The following CBFA2T3 variants were observed in gnomAD, a reference collection of about 807,000 sequenced individuals.
CBFA2T3 encodes the protein transcriptional corepressor CBFA2T3.
CBFA2T3 carries 31 observed loss-of-function variants against 58.6 expected under a neutral mutation model. That is an observed-to-expected ratio of 0.53 (90% CI 0.40 to 0.71). The LOEUF is 0.71. Among genes scored for constraint, CBFA2T3 ranks in the 30% least tolerant of loss-of-function variants. The probability of loss-of-function intolerance (pLI) is 0.00; values close to 1 mark genes in which losing one functional copy is unlikely to be tolerated. For missense variants in CBFA2T3, 1,076 were observed against 963.1 expected, an observed-to-expected ratio of 1.12 and a Z score of -1.55; for synonymous variants, 531 against 421.9, an observed-to-expected ratio of 1.26 and a Z score of -3.17.
intron 1 of CBFA2T3, among the ~76,000 whole-genome samples, chr16:88,905,711 G>T (rs1970293464): frequency 2.3e-5 from 3 of 131,448 alleles, no homozygotes; most frequent in African/African-American, 9.3e-5. Flanking sequence ...GGGCGGGGCT[G>T]GAGGGGCGGG....
At chr16:88,918,339 C>G (rs1970806179) in intron 1 of CBFA2T3, among the ~76,000 whole-genome samples, 1 of 152,206 alleles carries the variant, frequency 6.6e-6, no homozygotes, top group Admixed American at 6.5e-5. Flanking sequence ...ATGGCCTGGG[C>G]CCTGTCCTCT....
chr16:88,960,832 C>G (rs965667895), intron 1 of CBFA2T3, among the ~76,000 whole-genome samples: 2 of 152,206 alleles, frequency 1.3e-5, no homozygotes, highest in Non-Finnish European at 2.9e-5. Flanking sequence ...CTATTGGCTA[C>G]AGGGATCAAA....
chr16:88,886,713 C>G (rs918483250), intron 5 of CBFA2T3: 3 of 152,518 alleles, frequency 2.0e-5, no homozygotes, highest in Non-Finnish European at 4.4e-5. Flanking sequence ...CCCTTCCCTT[C>G]CCGCTGGTTT....
chr16:88,971,222 G>A (rs1210925690), intron 1 of CBFA2T3, among the ~76,000 whole-genome samples: 1 of 152,094 alleles, frequency 6.6e-6, no homozygotes, highest in South Asian at 2.1e-4. Flanking sequence ...CGATTCTCCC[G>A]CCTCAGCCTC....
At chr16:88,889,391 CAG>C (rs1413556052) in intron 5 of CBFA2T3, among the ~76,000 whole-genome samples, 1 of 73,306 alleles carries the variant, frequency 1.4e-5, no homozygotes, top group Non-Finnish European at 2.5e-5. Flanking sequence ...CAGGAAAAAG[CAG>C]AGGAGGCAGG....
chr16:88,890,211 G>C (rs1332124234), intron 5 of CBFA2T3, among the ~76,000 whole-genome samples: 2 of 152,192 alleles, frequency 1.3e-5, no homozygotes, highest in African/African-American at 4.8e-5. Flanking sequence ...CCGGGAGTGA[G>C]GCCCCGTTCT....
chr16:88,892,082 A>C, intron 4 of CBFA2T3, 111 bp from the exon 5 acceptor site: 3 of 1,364,896 alleles, frequency 2.2e-6, no homozygotes, highest in Non-Finnish European at 3.1e-6. Context: ...CAGGCAGCCC[A>C]GGAGCTGGGC....
chr16:88,904,201 T>A (rs41476048), intron 1 of CBFA2T3, among the ~76,000 whole-genome samples: 6,855 of 152,196 alleles, frequency 0.045, 224 homozygotes, highest in African/African-American at 0.09. Flanking sequence ...GGGGACTTCA[T>A]GTGGTTCCCT....
At chr16:88,947,681 A>G (rs926404506) in intron 1 of CBFA2T3, among the ~76,000 whole-genome samples, 2 of 152,232 alleles carry the variant, frequency 1.3e-5, no homozygotes, top group Admixed American at 1.3e-4. Context: ...TGGGAGGCCA[A>G]GGAAGTAGTA....
chr16:88,879,640 G>A, intron 10 of CBFA2T3, 180 bp from the exon 11 acceptor site: 2 of 590,482 alleles, frequency 3.4e-6, no homozygotes, highest in Non-Finnish European at 6.1e-6. Context: ...CGTAGCATCT[G>A]TGCACACACA....
intron 1 of CBFA2T3, among the ~76,000 whole-genome samples, chr16:88,904,815 A>C (rs1488319052): frequency 6.6e-6 from 1 of 152,074 alleles, no homozygotes; most frequent in Non-Finnish European, 1.5e-5. Flanking sequence ...GCCTAGGGAG[A>C]GCCTCTTCCC....
intron 2 of CBFA2T3, among the ~76,000 whole-genome samples, chr16:88,899,052 A>G (rs1353382337): frequency 6.9e-6 from 1 of 145,748 alleles, no homozygotes; most frequent in African/African-American, 2.5e-5. Context: ...TGCTCCTTAT[A>G]TGCCTTCCCC....
chr16:88,973,069 C>A (rs115102807), intron 1 of CBFA2T3, among the ~76,000 whole-genome samples: 276 of 152,346 alleles, frequency 1.8e-3, no homozygotes, highest in African/African-American at 6.4e-3. Context: ...GACACAGGGC[C>A]TGCGGCTGAA....
At chr16:88,970,176 C>A (rs1399314239) in intron 1 of CBFA2T3, among the ~76,000 whole-genome samples, 1 of 152,256 alleles carries the variant, frequency 6.6e-6, no homozygotes, top group Non-Finnish European at 1.5e-5. Flanking sequence ...GAGAGGATTT[C>A]ACTCCAGGAG....
rs760240668 is a variant in CBFA2T3 at position 88,886,019 on chromosome 16, C to A, written c.835G>T (p.Asp279Tyr). ...ACTTCCAGTAGCAGCTCTGAGGAGT[C>A]GATGGGGGAGGAGGCGCTGGCGTCC... Reference protein sequence around the residue: ...LLDASASSPIDSSELLLEVNE... With the variant: ...LLDASASSPIYSSELLLEVNE... The change falls in exon 6 of 12, where the codon GAC becomes TAC. Residue 279 changes from aspartate to tyrosine, a missense_variant. Transcript: ENST00000268679. 6.4e-7 allele frequency: 1 copy of A among 1,564,768 alleles called. No individual in the cohort carries two copies. The highest frequency in any genetic ancestry group is 1.3e-5 in the African/African-American group (1 of 74,440).
chr16:88,879,528 G>A (rs74958017), intron 10 of CBFA2T3, 68 bp from the exon 11 acceptor site: 24,740 of 1,446,208 alleles, frequency 0.017, 277 homozygotes, highest in East Asian at 0.02. Flanking sequence ...GACTTCCTAC[G>A]CGTGGCCACA....
chr16:88,975,200 TCCAC>T (rs1972809577), intron 1 of CBFA2T3, among the ~76,000 whole-genome samples: 1 of 96,558 alleles, frequency 1.0e-5, no homozygotes, highest in African/African-American at 4.7e-5. Flanking sequence ...ATGTCAGAGG[TCCAC>T]CCTGACCCTC....
chr16:88,921,048 TC>T (rs1330221650), intron 1 of CBFA2T3, among the ~76,000 whole-genome samples: 3 of 152,224 alleles, frequency 2.0e-5, no homozygotes, highest in Non-Finnish European at 2.9e-5. Context: ...TGGCGGAACC[TC>T]CCTGCTCCGC....
At chr16:88,941,532 C>T (rs1971731367) in intron 1 of CBFA2T3, among the ~76,000 whole-genome samples, 1 of 148,680 alleles carries the variant, frequency 6.7e-6, no homozygotes, top group African/African-American at 2.4e-5. Flanking sequence ...CGGGGCGGCG[C>T]CCTAAGAACT....
Sources: gnomAD v4.1 joint callset for allele counts (sites outside exome capture counted in the v4.1 genomes callset) on GRCh38, gnomAD v4.1.1 for gene constraint, MANE v1.5 for transcripts, NCBI Gene and HGNC (gene_info 2026-07-23, HGNC 2026-07-21) for gene names.